The following VMP1 variants were observed in gnomAD, a reference collection of about 807,000 sequenced individuals.
The protein encoded by VMP1 is vacuole membrane protein 1, also known as ectopic P-granules autophagy protein 3 homolog.
In VMP1, 11 loss-of-function variants were observed where a neutral mutation model predicts 56.0. The observed-to-expected ratio is 0.20, with a 90% CI of 0.12 to 0.32. VMP1 has a LOEUF of 0.32. VMP1 is among the 10% of genes least tolerant of loss of function. The pLI, the probability that VMP1 is intolerant of heterozygous loss-of-function variation, is 1.00. For synonymous variants in VMP1, 149 were observed against 165.0 expected (o/e 0.90, Z 0.74); for missense variants, 296 against 490.3 (o/e 0.60, Z 3.74).
intron 5 of VMP1, among the ~76,000 whole-genome samples, chr17:59,745,519 G>GT (rs1391719368): frequency 1.3e-5 from 2 of 152,120 alleles, no homozygotes; most frequent in Non-Finnish European, 2.9e-5. Context: ...ATAATCTCTG[G>GT]TTTTTTTAAG....
intron 3 of VMP1, among the ~76,000 whole-genome samples, chr17:59,736,741 C>T (rs1388575379): frequency 6.7e-6 from 1 of 150,316 alleles, no homozygotes; most frequent in South Asian, 2.1e-4. Flanking sequence ...AAGACCCTGT[C>T]TCTGAAAAAA....
Position 59,737,546 on chromosome 17 carries a change from G to A in VMP1, c.303+3G>A, listed in dbSNP as rs542286366. 10 of 1,602,300 alleles carry A rather than the reference G, an allele frequency of 6.2e-6. No individual in the cohort carries two copies. In the South Asian group the frequency reaches 6.8e-5, roughly 11 times the overall value. On this transcript the variant is annotated splice_donor_region_variant and intron_variant, in intron 4 of 11. Coordinates refer to ENST00000262291, the MANE Select transcript of VMP1 (RefSeq NM_030938.5). ...ATGTTGAAGGAGTGCATCAACAGGT[G>A]AGAGGTCGAGCAATTCTGTTTCTAG... is the stretch of plus-strand genomic sequence containing the variant.
intron 7 of VMP1, among the ~76,000 whole-genome samples, chr17:59,803,018 T>C (rs1192978067): frequency 6.6e-6 from 1 of 152,242 alleles, no homozygotes; most frequent in Non-Finnish European, 1.5e-5. Context: ...GTGCTGGGAT[T>C]ACAGGCATGA....
chr17:59,788,174 T>C (rs888770322), intron 7 of VMP1, among the ~76,000 whole-genome samples: 5 of 152,158 alleles, frequency 3.3e-5, no homozygotes, highest in African/African-American at 7.2e-5. Context: ...TCTTGTTAGG[T>C]TGCTTTGCAC....
chr17:59,821,488 G>A (rs1242609923), intron 10 of VMP1, among the ~76,000 whole-genome samples: 1 of 150,124 alleles, frequency 6.7e-6, no homozygotes, highest in Non-Finnish European at 1.5e-5. Flanking sequence ...ATGTCCTGAT[G>A]TCCTTATCAT....
chr17:59,751,619 C>T (rs1433619372), intron 5 of VMP1, among the ~76,000 whole-genome samples: 1 of 146,294 alleles, frequency 6.8e-6, no homozygotes, highest in Non-Finnish European at 1.5e-5. Context: ...GGGGGGGCGC[C>T]TGTAATCCCA....
In VMP1 at chr17:59,711,836, A is replaced by G. The variant is rs1201629932; in HGVS notation, c.-27+4088A>G. Among the ~76,000 whole-genome samples the G allele has an allele frequency of 3.9e-5, 6 of 152,282 alleles. No individual in the cohort carries two copies. The East Asian group carries it at 5.8e-4, about 15-fold the overall frequency. ...AAGAGTTTGTTTGTATTCTTGAACT[A>G]CTTAATCTTTTCAGTAGTTCATGGG... On this transcript the variant is annotated intron_variant, in intron 1 of 11. Transcript: ENST00000262291.
At chr17:59,802,644 C>T (rs2037713165) in intron 7 of VMP1, among the ~76,000 whole-genome samples, 1 of 152,190 alleles carries the variant, frequency 6.6e-6, no homozygotes, top group Non-Finnish European at 1.5e-5. Context: ...CTGCTCACTG[C>T]AACCTCCGCC....
At chr17:59,772,687 T>C (rs1297106975) in intron 6 of VMP1, among the ~76,000 whole-genome samples, 1 of 151,674 alleles carries the variant, frequency 6.6e-6, no homozygotes, top group Non-Finnish European at 1.5e-5. Context: ...GAGAATTGCT[T>C]GAACTTGGGA....
chr17:59,828,268 C>T (rs1260176849), intron 10 of VMP1, among the ~76,000 whole-genome samples: 2 of 152,144 alleles, frequency 1.3e-5, no homozygotes, highest in African/African-American at 2.4e-5. Context: ...CAAAGAGTAG[C>T]TGCTAATGAT....
chr17:59,809,430 C>A (rs560310916), intron 8 of VMP1, among the ~76,000 whole-genome samples: 16 of 147,122 alleles, frequency 1.1e-4, no homozygotes, highest in African/African-American at 3.8e-4. Context: ...GATTCTCCTG[C>A]CTCAGCCTCC....
At position 59,841,401 on chromosome 17, in the gene VMP1, T is replaced by TTGC; in HGVS notation, c.*1492_*1493insCTG. The TTGC allele has an allele frequency of 2.3e-6, 1 of 441,266 alleles. No individual in the cohort carries two copies. Among genetic ancestry groups the TTGC allele is most frequent in the African/African-American group, 2.0e-5 (1 of 50,916 alleles). 27.3% of individuals were successfully genotyped at this position (441,266 alleles called of 1,614,324 possible). A position where few individuals can be genotyped will look rare whatever the true frequency, so the allele number is the denominator to read the frequency against. ...CTCATTTAAACATTACCCAGCATCA[T>TTGC]TGTTTATAATCAGAAACTCTGGTCC... On this transcript the variant is annotated 3_prime_UTR_variant, in exon 12 of 12. Transcript: ENST00000262291.
intron 1 of VMP1, among the ~76,000 whole-genome samples, chr17:59,727,336 G>A (rs1187182018): frequency 6.6e-6 from 1 of 151,680 alleles, no homozygotes. Flanking sequence ...GGCTTTCACC[G>A]TGTCAGCCAG....
chr17:59,740,895 G>T (rs964129923), intron 5 of VMP1, among the ~76,000 whole-genome samples: 1 of 152,182 alleles, frequency 6.6e-6, no homozygotes, highest in Non-Finnish European at 1.5e-5. Flanking sequence ...CCAGATAGCA[G>T]ACTCTGCTGA....
chr17:59,808,679 C>A (rs746374545), intron 7 of VMP1, 117 bp from the exon 8 acceptor site: 194 of 746,120 alleles, frequency 2.6e-4, no homozygotes, highest in Non-Finnish European at 3.8e-4. Context: ...TTTTTTTCAT[C>A]ATTCATCTTA....
chr17:59,746,535 C>T (rs2035430681), intron 5 of VMP1, among the ~76,000 whole-genome samples: 2 of 152,194 alleles, frequency 1.3e-5, no homozygotes, highest in Admixed American at 1.3e-4. Context: ...GTCCTCATCA[C>T]TTCTTTAAAT....
chr17:59,739,837 A>AG (rs2035160011), intron 5 of VMP1, among the ~76,000 whole-genome samples: 1 of 150,246 alleles, frequency 6.7e-6, no homozygotes. Context: ...GCACTTTGGG[A>AG]GGCCGAGGCA....
At chr17:59,774,794 G>A (rs2036558356) in intron 7 of VMP1, among the ~76,000 whole-genome samples, 1 of 151,914 alleles carries the variant, frequency 6.6e-6, no homozygotes, top group Non-Finnish European at 1.5e-5. Flanking sequence ...ATAGCTTACT[G>A]CAGCTTCAAA....
At chr17:59,804,456 A>C (rs1321097514) in intron 7 of VMP1, among the ~76,000 whole-genome samples, 1 of 151,950 alleles carries the variant, frequency 6.6e-6, no homozygotes, top group African/African-American at 2.4e-5. Context: ...TCTACTAAAA[A>C]TACAAAAAAT....
Sources: gnomAD v4.1 joint callset for allele counts (sites outside exome capture counted in the v4.1 genomes callset) on GRCh38, gnomAD v4.1.1 for gene constraint, MANE v1.5 for transcripts, NCBI Gene and HGNC (gene_info 2026-07-23, HGNC 2026-07-21) for gene names.